KMT2C: variants seen among roughly 807,000 people sequenced by gnomAD.
The protein encoded by KMT2C is histone-lysine N-methyltransferase 2C.
Under a neutral mutation model 507.9 loss-of-function variants are expected in KMT2C, and 88 were observed. The ratio of observed to expected loss-of-function variants is 0.17; its 90% CI spans 0.15 to 0.21. KMT2C has a LOEUF of 0.21. Ranked by LOEUF, KMT2C falls within the 10% of genes least tolerant of loss-of-function variation. The pLI is 1.00. For synonymous variants in KMT2C, 2,049 were observed against 2,080.8 expected (o/e 0.98, Z 0.42); for missense variants, 4,954 against 5,957.8 (o/e 0.83, Z 5.55).
At chr7:152,265,562 T>C (rs1336105010) in intron 7 of KMT2C, among the ~76,000 whole-genome samples, 1 of 152,108 alleles carries the variant, frequency 6.6e-6, no homozygotes, top group African/African-American at 2.4e-5. Flanking sequence ...ACAAGGAAAA[T>C]ACAAATTAAG....
chr7:152,378,240 C>T (rs1252889208), intron 1 of KMT2C, among the ~76,000 whole-genome samples: 1 of 152,168 alleles, frequency 6.6e-6, no homozygotes, highest in East Asian at 1.9e-4. Flanking sequence ...TATCAAACAG[C>T]ATCACGTGCT....
intron 24 of KMT2C, 96 bp downstream of exon 24, chr7:152,207,204 C>G: frequency 8.6e-7 from 1 of 1,158,358 alleles, no homozygotes; most frequent in South Asian, 1.8e-5. Context: ...GTTCTGAAGC[C>G]TGAATATTTA....
intron 1 of KMT2C, among the ~76,000 whole-genome samples, chr7:152,379,576 C>T (rs544797732): frequency 6.6e-6 from 1 of 152,210 alleles, no homozygotes; most frequent in East Asian, 1.9e-4. Context: ...AGGAGCCAGG[C>T]GTGGTGGTGC....
rs1479847835 is a variant in KMT2C at position 152,180,189 on chromosome 7, T to C, written c.7150-63A>G. On this transcript the variant is annotated intron_variant, in intron 36 of 58. Transcript: ENST00000262189. ...TAATTAATGGCTTTTTAAAGGTTACTGGCTTTTTATTTTTAGATATGGGAT... is the reference window on the plus strand; with the variant it reads ...TAATTAATGGCTTTTTAAAGGTTACCGGCTTTTTATTTTTAGATATGGGAT... 1.9e-6 allele frequency: 3 copies of C among 1,550,832 alleles called. No homozygotes were observed. The East Asian group carries it at 6.7e-5, about 35-fold the overall frequency.
chr7:152,296,401 T>C (rs1222998093), intron 6 of KMT2C, among the ~76,000 whole-genome samples: 2 of 137,292 alleles, frequency 1.5e-5, no homozygotes, highest in Non-Finnish European at 3.0e-5. Context: ...GCCACTTCAA[T>C]CCAGCCTGGG....
intron 2 of KMT2C, among the ~76,000 whole-genome samples, chr7:152,352,467 C>T (rs1197697293): frequency 6.6e-6 from 1 of 152,138 alleles, no homozygotes; most frequent in African/African-American, 2.4e-5. Context: ...ACTCCCTCCC[C>T]TTTGAAAATC....
intron 55 of KMT2C, among the ~76,000 whole-genome samples, chr7:152,140,259 C>T (rs951699902): frequency 5.9e-5 from 9 of 152,190 alleles, no homozygotes; most frequent in Non-Finnish European, 1.0e-4. Context: ...TCTGAGTTTC[C>T]CAGCAGCCAG....
intron 35 of KMT2C, 33 bp downstream of exon 35, chr7:152,182,941 C>A: frequency 6.7e-7 from 1 of 1,501,506 alleles, no homozygotes; most frequent in Non-Finnish European, 8.9e-7. Context: ...AAAAATGCAA[C>A]TTCAAAAAGT....
In KMT2C at chr7:152,189,590, A is replaced by G. The variant is rs143130063; in HGVS notation, c.4661-1743T>C. 4.9e-4 allele frequency among the ~76,000 whole-genome samples: 74 copies of G among 152,330 alleles called. 1 individual carries two copies. The highest frequency in any genetic ancestry group is 1.9e-3 in the Admixed American group (29 of 15,298). On this transcript the variant is annotated intron_variant, in intron 31 of 58. Transcript: ENST00000262189. ...TTAAACCACATCATTTGAATGTTAC[A>G]ACACTAAAACCTACATAGCTCCAGT... is the stretch of plus-strand genomic sequence containing the variant.
intron 7 of KMT2C, among the ~76,000 whole-genome samples, chr7:152,266,835 G>A (rs1333103440): frequency 6.6e-6 from 1 of 152,178 alleles, no homozygotes; most frequent in African/African-American, 2.4e-5. Context: ...AAATGTGGAC[G>A]CTGGCTGGAC....
chr7:152,258,269 T>A (rs1022406352), intron 9 of KMT2C, among the ~76,000 whole-genome samples: 13 of 152,158 alleles, frequency 8.5e-5, no homozygotes, highest in African/African-American at 3.1e-4. Context: ...ACAGCAAGTA[T>A]GGGACTATTT....
At chr7:152,301,637 T>C (rs1040022546) in intron 6 of KMT2C, among the ~76,000 whole-genome samples, 1 of 152,108 alleles carries the variant, frequency 6.6e-6, no homozygotes, top group African/African-American at 2.4e-5. Context: ...CAGTAAGCCA[T>C]GATCGTGCCA....
At chr7:152,166,846 T>C (rs917428181) in intron 42 of KMT2C, among the ~76,000 whole-genome samples, 54 of 152,090 alleles carry the variant, frequency 3.6e-4, no homozygotes, top group Non-Finnish European at 1.6e-4. Flanking sequence ...CAGAAAAAAA[T>C]AACGTCTCCA....
At chr7:152,289,559 A>G (rs2096370596) in intron 6 of KMT2C, among the ~76,000 whole-genome samples, 1 of 152,208 alleles carries the variant, frequency 6.6e-6, no homozygotes. Context: ...AACAAACCAC[A>G]ATTATTAAAA....
Position 152,326,137 on chromosome 7 carries a change from A to C in KMT2C, c.389+4464T>G, listed in dbSNP as rs571957634. On this transcript the variant is annotated intron_variant, in intron 3 of 58. Coordinates refer to ENST00000262189, the MANE Select transcript of KMT2C (RefSeq NM_170606.3). ...TGTGTTACAAAAAGTCTTAGTATCAAGTAAAGCAATCCTTCCTCTTCTTCA... is the reference window on the plus strand; with the variant it reads ...TGTGTTACAAAAAGTCTTAGTATCACGTAAAGCAATCCTTCCTCTTCTTCA... 1.6e-3 allele frequency among the ~76,000 whole-genome samples: 246 copies of C among 152,334 alleles called. 1 individual carries two copies. Among genetic ancestry groups the C allele is most frequent in the Non-Finnish European group, 2.0e-3 (138 of 68,026 alleles).
rs2093381449 is a variant in KMT2C at position 152,180,113 on chromosome 7, C to G, written c.7163G>C (p.Arg2388Pro). The stretch of plus-strand genomic sequence containing the variant: ...CTGTTGCTGCTGGAGAATGATTTCA[C>G]GTAACTTCTGCCGCTAAATGGGAAG... ...TEKLRQRQKL[R>P]EIILQQQQQK... Residue 2388 changes from arginine to proline, a missense_variant, in exon 37 of 59, where the codon CGT becomes CCT. Physicochemically the swap from Arg to Pro is moderately radical, Grantham distance 103 (BLOSUM62 -2). Coordinates refer to ENST00000262189, the MANE Select transcript of KMT2C (RefSeq NM_170606.3). The G allele has an allele frequency of 6.2e-7, 1 of 1,614,132 alleles. No individual in the cohort carries two copies. The highest frequency in any genetic ancestry group is 8.5e-7 in the Non-Finnish European group (1 of 1,180,020).
At chr7:152,367,313 CCT>C (rs1234058004) in intron 1 of KMT2C, 27 of 1,011,140 alleles carry the variant, frequency 2.7e-5, no homozygotes, top group Non-Finnish European at 4.0e-5. Context: ...CTGGAGGAGC[CCT>C]GACCTGCACC....
intron 24 of KMT2C, 43 bp from the exon 25 acceptor site, chr7:152,205,268 C>T (rs1266410455): frequency 1.9e-6 from 3 of 1,573,338 alleles, no homozygotes; most frequent in East Asian, 2.2e-5. Context: ...GTAATTTCTC[C>T]CTACATTTCC....
At chr7:152,395,532 C>CAG (rs112578144) in intron 1 of KMT2C, among the ~76,000 whole-genome samples, 7,323 of 151,482 alleles carry the variant, frequency 0.048, 616 homozygotes, top group African/African-American at 0.17. Flanking sequence ...GTTTTTGAGA[C>CAG]AGTCTCCCTC....
Sources: gnomAD v4.1 joint callset for allele counts (sites outside exome capture counted in the v4.1 genomes callset) on GRCh38, gnomAD v4.1.1 for gene constraint, MANE v1.5 for transcripts, NCBI Gene and HGNC (gene_info 2026-07-23, HGNC 2026-07-21) for gene names.